Variants in KRT7 observed in about 807,000 individuals in gnomAD.
KRT7 encodes the protein keratin, type II cytoskeletal 7.
Under a neutral mutation model 42.8 loss-of-function variants are expected in KRT7, and 50 were observed. The ratio of observed to expected loss-of-function variants is 1.17; its 90% CI spans 0.93 to 1.48. The LOEUF (loss-of-function observed/expected upper bound fraction) is 1.48, where lower values mean the gene tolerates loss of function less well. Among genes scored for constraint, KRT7 ranks in the 40% most tolerant of loss-of-function variants. The pLI is 0.00. For synonymous variants in KRT7, 268 were observed against 266.3 expected (o/e 1.01, Z -0.06); for missense variants, 588 against 637.6 (o/e 0.92, Z 0.84).
chr12:52,238,294 G>T (rs1171247330), intron 3 of KRT7, among the ~76,000 whole-genome samples: 1 of 152,224 alleles, frequency 6.6e-6, no homozygotes, highest in African/African-American at 2.4e-5. Context: ...TGGGAGCGGG[G>T]CTGGGAATCT....
intron 4 of KRT7, among the ~76,000 whole-genome samples, chr12:52,238,994 G>A (rs150940663): frequency 6.6e-6 from 1 of 152,366 alleles, no homozygotes; most frequent in East Asian, 1.9e-4. Context: ...GGGCAGGCAT[G>A]CCCAGCACAG....
chr12:52,253,554 T>C (rs770358626), downstream of KRT7: 2 of 1,603,536 alleles, frequency 1.2e-6, no homozygotes, highest in South Asian at 2.2e-5. Flanking sequence ...GTACCTTGCA[T>C]CCCTCCAACT....
intron 1 of KRT7, among the ~76,000 whole-genome samples, chr12:52,234,707 A>T (rs1383966901): frequency 6.6e-6 from 1 of 152,040 alleles, no homozygotes; most frequent in Non-Finnish European, 1.5e-5. Flanking sequence ...GGGTCATTTT[A>T]CCATGGATTG....
downstream of KRT7, chr12:52,251,908 G>A: frequency 4.2e-6 from 2 of 470,588 alleles, no homozygotes; most frequent in South Asian, 1.7e-5. Flanking sequence ...TGGAGCAGTT[G>A]AGGCAGAGAC....
downstream of KRT7, chr12:52,252,415 G>C (rs768342291): frequency 6.2e-7 from 1 of 1,614,110 alleles, no homozygotes; most frequent in Admixed American, 1.7e-5. Context: ...AGCTTGCAGC[G>C]GGCATCACTG....
downstream of KRT7, chr12:52,250,480 C>T (rs974947275): frequency 7.9e-6 from 5 of 632,796 alleles, no homozygotes; most frequent in East Asian, 3.2e-5. Flanking sequence ...GCGAAGCGCA[C>T]GGAGCGGCCG....
rs2121058617 is a variant in KRT7, at chr12:52,233,634, G to C, written c.324+14G>C. The C allele has an allele frequency of 2.5e-6, 4 of 1,611,428 alleles. No homozygotes were observed. Among genetic ancestry groups the C allele is most frequent in the Non-Finnish European group, 3.4e-6 (4 of 1,179,038 alleles). ...TTCATCGACAAGGTGAGCGGGACTG[G>C]ACCTCGCCTCTCCTCGAGCCGCGCT... On this transcript the variant is annotated intron_variant, in intron 1 of 8. Transcript: ENST00000331817.
At chr12:52,235,120 C>T (rs768179958) in intron 1 of KRT7, 35 bp from the exon 2 acceptor site, 20 of 1,602,594 alleles carry the variant, frequency 1.2e-5, no homozygotes, top group Non-Finnish European at 1.7e-5. Context: ...CACGCTCTGG[C>T]TCCTCTTGAG....
In KRT7 at chr12:52,233,625, G is replaced by A; in HGVS notation, c.324+5G>A. Reference sequence around the variant, plus strand: ...TTTGCCTCCTTCATCGACAAGGTGAGCGGGACTGGACCTCGCCTCTCCTCG... The same window carrying A: ...TTTGCCTCCTTCATCGACAAGGTGAACGGGACTGGACCTCGCCTCTCCTCG... On this transcript the variant is annotated splice_donor_5th_base_variant and intron_variant, in intron 1 of 8. Coordinates refer to ENST00000331817, the MANE Select transcript of KRT7 (RefSeq NM_005556.4). The A allele has an allele frequency of 6.2e-7, 1 of 1,612,188 alleles. No individual in the cohort carries two copies. The highest frequency in any genetic ancestry group is 1.1e-5 in the South Asian group (1 of 91,012).
At position 52,234,124 on chromosome 12, in the gene KRT7, GGGA is replaced by G. The variant is rs1232670234; in HGVS notation, c.324+507_324+509del. On this transcript the variant is annotated intron_variant, in intron 1 of 8. Coordinates refer to ENST00000331817, the MANE Select transcript of KRT7 (RefSeq NM_005556.4). ...ATTAGAGCGGCAGTCGGTGGGGCGG[GGGA>G]GGGGGGGGGGCTCCCGCCCCTCCCC... 2.8e-3 allele frequency among the ~76,000 whole-genome samples: 383 copies of G among 137,920 alleles called. 10 individuals carry two copies. The highest frequency in any genetic ancestry group is 9.8e-3 in the African/African-American group (346 of 35,266). 90.5% of individuals were successfully genotyped at this position (137,920 alleles called of 152,430 possible). A position where few individuals can be genotyped will look rare whatever the true frequency, so the allele number is the denominator to read the frequency against.
At position 52,233,275 on chromosome 12, in the gene KRT7, G is replaced by A; in HGVS notation, c.-22G>A. 1 of 1,514,174 alleles carries A rather than the reference G, an allele frequency of 6.6e-7. No individual in the cohort carries two copies. The highest frequency in any genetic ancestry group is 1.3e-5 in the South Asian group (1 of 77,682). The allele number at this position is 1,514,174 out of a possible 1,614,324, so 93.8% of individuals were successfully genotyped here. A position where few individuals can be genotyped will look rare whatever the true frequency, so the allele number is the denominator to read the frequency against. On this transcript the variant is annotated 5_prime_UTR_variant, in exon 1 of 9. Transcript: ENST00000331817. The stretch of plus-strand genomic sequence containing the variant: ...GCGCGCTCCTCCTCGCCCGCCGCTA[G>A]GTCCATCCCGGCCCAGCCACCATGT...
chr12:52,244,948 T>G (rs1472005366), intron 6 of KRT7: 8 of 178,044 alleles, frequency 4.5e-5, no homozygotes, highest in Non-Finnish European at 1.2e-5. Flanking sequence ...CTGCCTGACA[T>G]CTGGAGACTC....
Position 52,241,475 on chromosome 12 carries a change from T to C in KRT7, c.697T>C (p.Leu233=), listed in dbSNP as rs1048695842. Residue 233 remains leucine, a synonymous_variant, in exon 5 of 9, where the codon TTG becomes CTG. Transcript: ENST00000331817. ...ATGTCCCGTCTGGTCCCTACAGGAGTTGACAGAGCTGCAGTCCCAGATCTC... is the reference window on the plus strand; with the variant it reads ...ATGTCCCGTCTGGTCCCTACAGGAGCTGACAGAGCTGCAGTCCCAGATCTC... ...NFLRTLNETE[L]TELQSQISDT... 9 of 1,609,730 alleles carry C rather than the reference T, an allele frequency of 5.6e-6. No homozygotes were observed. The African/African-American group carries it at 9.4e-5, about 17-fold the overall frequency.
At chr12:52,240,556 G>A (rs1942073478) in intron 4 of KRT7, among the ~76,000 whole-genome samples, 1 of 151,984 alleles carries the variant, frequency 6.6e-6, no homozygotes, top group African/African-American at 2.4e-5. Context: ...GTTGAACCTG[G>A]AAGGTGGAGG....
intron 1 of KRT7, among the ~76,000 whole-genome samples, chr12:52,233,897 C>T (rs920990138): frequency 1.3e-5 from 2 of 152,194 alleles, no homozygotes; most frequent in Non-Finnish European, 2.9e-5. Flanking sequence ...GTAGGGCTGC[C>T]CTCGCTGGCT....
chr12:52,237,694 A>T, intron 3 of KRT7, 125 bp downstream of exon 3: 1 of 643,202 alleles, frequency 1.6e-6, no homozygotes, highest in African/African-American at 1.9e-5. Context: ...GTCCAAGAGG[A>T]AGTCTGCACA....
chr12:52,233,449 G>A lies in KRT7; in HGVS notation c.153G>A (p.Val51=), dbSNP rs575330975. 2.4e-5 allele frequency: 38 copies of A among 1,586,914 alleles called. No individual in the cohort carries two copies. In the South Asian group the frequency reaches 3.8e-4, roughly 16 times the overall value. The change falls in exon 1 of 9, where the codon GTG becomes GTA. Residue 51 remains valine, a synonymous_variant. Coordinates refer to ENST00000331817, the MANE Select transcript of KRT7 (RefSeq NM_005556.4). The part of the protein sequence containing the change: ...GLGASRPRVA[V]RSAYGGPVGA... ...GCGCCTCACGGCCGCGCGTGGCCGT[G>A]CGCTCTGCCTATGGGGGCCCGGTGG...
chr12:52,242,906 C>T (rs1391658149), intron 5 of KRT7, 106 bp from the exon 6 acceptor site: 6 of 1,329,358 alleles, frequency 4.5e-6, no homozygotes, highest in Non-Finnish European at 5.1e-6. Context: ...TCAGACTGTC[C>T]TTCCCTGAAA....
chr12:52,255,302 T>C (rs1942321431), downstream of KRT7: 1 of 456,574 alleles, frequency 2.2e-6, no homozygotes, highest in African/African-American at 2.0e-5. Context: ...CCCTTCTGTC[T>C]CTGGCCTCCA....
Sources: allele counts gnomAD v4.1 joint callset (sites outside exome capture counted in the v4.1 genomes callset), GRCh38; gene constraint gnomAD v4.1.1; transcripts MANE v1.5; gene names NCBI Gene and HGNC (gene_info 2026-07-23, HGNC 2026-07-21).